The following RIMS2 variants were observed in gnomAD, a reference collection of about 807,000 sequenced individuals.
The protein encoded by RIMS2 is regulating synaptic membrane exocytosis protein 2.
RIMS2 carries 59 observed loss-of-function variants against 174.4 expected under a neutral mutation model. That is an observed-to-expected ratio of 0.34 (90% CI 0.27 to 0.42). The LOEUF (loss-of-function observed/expected upper bound fraction) is 0.42, where lower values mean the gene tolerates loss of function less well. RIMS2 is among the 10% of genes least tolerant of loss of function. RIMS2 has a pLI of 1.00. For synonymous variants in RIMS2, 606 were observed against 572.5 expected (o/e 1.06, Z -0.84); for missense variants, 1,620 against 1,666.3 (o/e 0.97, Z 0.48).
chr8:104,065,351 T>A (rs1321787365), intron 19 of RIMS2, among the ~76,000 whole-genome samples: 1 of 152,140 alleles, frequency 6.6e-6, no homozygotes, highest in Non-Finnish European at 1.5e-5. Context: ...TTTTATTGAT[T>A]TCTCTAAATT....
At chr8:103,695,689 G>C (rs1465492722) in intron 1 of RIMS2, among the ~76,000 whole-genome samples, 1 of 150,302 alleles carries the variant, frequency 6.7e-6, no homozygotes, top group Admixed American at 6.6e-5. Flanking sequence ...ATTTTTTAAA[G>C]CCTAATTTTA....
rs950178681 is a variant in RIMS2, at chr8:104,199,091, T to C, written c.3335-45825T>C. On this transcript the variant is annotated intron_variant, in intron 19 of 23. Coordinates refer to ENST00000504942, the Ensembl canonical transcript of RIMS2. ...TTTTATTTTATTTTGAGACGGAGTCTCTCTTTGTCGCTCAGGCTGGAGTGC... is the reference window on the plus strand; with the variant it reads ...TTTTATTTTATTTTGAGACGGAGTCCCTCTTTGTCGCTCAGGCTGGAGTGC... 6.6e-5 allele frequency among the ~76,000 whole-genome samples: 10 copies of C among 151,770 alleles called. No individual in the cohort carries two copies. In the East Asian group the frequency reaches 1.9e-3, roughly 29 times the overall value.
At chr8:104,095,605 G>T (rs934417344) in intron 19 of RIMS2, among the ~76,000 whole-genome samples, 10 of 152,092 alleles carry the variant, frequency 6.6e-5, no homozygotes, top group African/African-American at 2.4e-4. Context: ...TGTGCAGTCA[G>T]ACTTTATCCT....
At chr8:103,950,567 C>CATTTGATAAAGAGG in intron 14 of RIMS2, among the ~76,000 whole-genome samples, 1 of 152,136 alleles carries the variant, frequency 6.6e-6, no homozygotes, top group Admixed American at 6.5e-5. Context: ...CAAGAAAGAG[C>CATTTGATAAAGAGG]ATTTGATAAA....
chr8:103,612,779 C>T (rs895928799), intron 1 of RIMS2, among the ~76,000 whole-genome samples: 17 of 152,160 alleles, frequency 1.1e-4, no homozygotes, highest in Non-Finnish European at 2.1e-4. Context: ...ACAATGTTGG[C>T]CAGGCTGGTC....
intron 1 of RIMS2, among the ~76,000 whole-genome samples, chr8:103,545,945 C>T (rs994703147): frequency 6.6e-6 from 1 of 152,148 alleles, no homozygotes; most frequent in African/African-American, 2.4e-5. Context: ...GTACATAGAT[C>T]ACTGACACTA....
At chr8:103,788,232 C>T (rs752057309) in intron 3 of RIMS2, among the ~76,000 whole-genome samples, 17,327 of 150,594 alleles carry the variant, frequency 0.12, 1,326 homozygotes, top group Non-Finnish European at 0.17. Flanking sequence ...TCCCATAGCT[C>T]AGAGTAATTT....
chr8:103,576,064 G>A (rs1260435097), intron 1 of RIMS2, among the ~76,000 whole-genome samples: 1 of 152,188 alleles, frequency 6.6e-6, no homozygotes. Context: ...TCCTCAGCAT[G>A]GAAACCCTGC....
chr8:104,075,862 C>T (rs1296755282), intron 19 of RIMS2, among the ~76,000 whole-genome samples: 2 of 152,138 alleles, frequency 1.3e-5, no homozygotes, highest in African/African-American at 4.8e-5. Context: ...ATACTCCCCA[C>T]CTCTCCACCA....
intron 19 of RIMS2, among the ~76,000 whole-genome samples, chr8:104,030,985 G>C (rs1597411358): frequency 6.6e-6 from 1 of 152,066 alleles, no homozygotes; most frequent in Non-Finnish European, 1.5e-5. Flanking sequence ...CTGGATTATA[G>C]TAGGTGCTGA....
At chr8:103,828,711 G>A (rs1006058766) in intron 3 of RIMS2, among the ~76,000 whole-genome samples, 2 of 151,570 alleles carry the variant, frequency 1.3e-5, no homozygotes, top group Non-Finnish European at 2.9e-5. Context: ...TTACATTTAC[G>A]TCTTTAATCC....
At chr8:103,849,222 A>C (rs1034536850) in intron 3 of RIMS2, among the ~76,000 whole-genome samples, 1 of 152,022 alleles carries the variant, frequency 6.6e-6, no homozygotes, top group Non-Finnish European at 1.5e-5. Context: ...TGGAGTGTTC[A>C]TTTCTAGTTG....
chr8:104,142,936 C>T (rs2098597809), intron 19 of RIMS2, among the ~76,000 whole-genome samples: 1 of 152,144 alleles, frequency 6.6e-6, no homozygotes, highest in Non-Finnish European at 1.5e-5. Flanking sequence ...CTTTAAATTT[C>T]TGTCATCTCC....
At chr8:104,009,857 G>C (rs373315274) in intron 17 of RIMS2, among the ~76,000 whole-genome samples, 1 of 152,068 alleles carries the variant, frequency 6.6e-6, no homozygotes, top group Admixed American at 6.6e-5. Context: ...TAGGTCCTGA[G>C]TTACATATTG....
At chr8:104,009,600 G>A (rs1432886991) in intron 17 of RIMS2, among the ~76,000 whole-genome samples, 1 of 152,010 alleles carries the variant, frequency 6.6e-6, no homozygotes, top group Non-Finnish European at 1.5e-5. Flanking sequence ...AGGCACTTCT[G>A]CTATTGATCA....
At chr8:104,077,685 A>T (rs1379508356) in intron 19 of RIMS2, among the ~76,000 whole-genome samples, 3 of 139,670 alleles carry the variant, frequency 2.1e-5, no homozygotes, top group Non-Finnish European at 4.7e-5. Flanking sequence ...CTCTGAACTC[A>T]GGGTTCAGAG....
chr8:104,117,374 C>T (rs1246600317), intron 19 of RIMS2, among the ~76,000 whole-genome samples: 1 of 151,368 alleles, frequency 6.6e-6, no homozygotes, highest in African/African-American at 2.4e-5. Flanking sequence ...GAATATATAC[C>T]TTTGAAATAA....
At chr8:103,535,145 A>T (rs1274126896) in intron 1 of RIMS2, among the ~76,000 whole-genome samples, 1 of 152,228 alleles carries the variant, frequency 6.6e-6, no homozygotes, top group Non-Finnish European at 1.5e-5. Flanking sequence ...TACCTTTATC[A>T]TCAGCTCTGA....
At chr8:103,629,237 A>G (rs1276825272) in intron 1 of RIMS2, among the ~76,000 whole-genome samples, 1 of 152,220 alleles carries the variant, frequency 6.6e-6, no homozygotes, top group Non-Finnish European at 1.5e-5. Flanking sequence ...TCTCAATTAG[A>G]GAGCTGAAGG....
Sources: allele counts gnomAD v4.1 joint callset (sites outside exome capture counted in the v4.1 genomes callset), GRCh38; gene constraint gnomAD v4.1.1; transcripts MANE v1.5; gene names NCBI Gene and HGNC (gene_info 2026-07-23, HGNC 2026-07-21).